NOX4: variants seen among roughly 807,000 people sequenced by gnomAD.
The protein encoded by NOX4 is kidney oxidase-1.
Under a neutral mutation model 87.6 loss-of-function variants are expected in NOX4, and 69 were observed. The observed-to-expected ratio is 0.79, with a 90% CI of 0.65 to 0.96. The LOEUF (loss-of-function observed/expected upper bound fraction) is 0.96. Ranked by LOEUF, NOX4 falls within the 40% of genes least tolerant of loss-of-function variation. NOX4 has a pLI of 0.00. For synonymous variants in NOX4, 275 were observed against 238.2 expected (o/e 1.15, Z -1.42); for missense variants, 680 against 681.5 (o/e 1.00, Z 0.02).
chr11:89,426,684 C>A (rs1943437526), intron 7 of NOX4, among the ~76,000 whole-genome samples: 1 of 152,120 alleles, frequency 6.6e-6, no homozygotes, highest in Non-Finnish European at 1.5e-5. Flanking sequence ...GAGGGGCGCC[C>A]ACCATTGCTG....
intron 2 of NOX4, among the ~76,000 whole-genome samples, chr11:89,481,199 C>T (rs187736228): frequency 4.2e-4 from 64 of 152,038 alleles, no homozygotes; most frequent in African/African-American, 1.3e-3. Context: ...CATCTGTATG[C>T]TCAGCAAATC....
At chr11:89,459,567 A>C (rs376589682) in intron 2 of NOX4, among the ~76,000 whole-genome samples, 12 of 152,290 alleles carry the variant, frequency 7.9e-5, no homozygotes, top group East Asian at 5.8e-4. Flanking sequence ...CAATTGCTTC[A>C]AAGAGAATAA....
intron 11 of NOX4, among the ~76,000 whole-genome samples, chr11:89,374,683 T>C (rs1393949414): frequency 6.6e-6 from 1 of 152,122 alleles, no homozygotes; most frequent in African/African-American, 2.4e-5. Context: ...AAAGTAAAGA[T>C]ACATAAAATG....
the NOX4 span, among the ~76,000 whole-genome samples, chr11:89,572,522 TG>T: frequency 6.6e-6 from 1 of 151,046 alleles, no homozygotes; most frequent in Admixed American, 6.6e-5. Flanking sequence ...CAGAATTATA[TG>T]TTTTTTTGTT....
chr11:89,393,999 C>T (rs1206800552), intron 11 of NOX4, among the ~76,000 whole-genome samples: 2 of 152,092 alleles, frequency 1.3e-5, no homozygotes, highest in African/African-American at 4.8e-5. Flanking sequence ...CCATCTTTGC[C>T]TCAAGCTGGC....
At chr11:89,361,679 T>C (rs560484848) in intron 12 of NOX4, among the ~76,000 whole-genome samples, 2 of 151,994 alleles carry the variant, frequency 1.3e-5, no homozygotes, top group Admixed American at 6.6e-5. Flanking sequence ...TGAAAGGGAG[T>C]GGGGCCACAT....
chr11:89,334,601 T>A (rs183322933), intron 17 of NOX4, among the ~76,000 whole-genome samples: 112 of 151,846 alleles, frequency 7.4e-4, no homozygotes, highest in African/African-American at 1.4e-3. Context: ...TTGGATTTTT[T>A]AAAAAATATC....
intron 17 of NOX4, among the ~76,000 whole-genome samples, chr11:89,334,225 G>A (rs1418685212): frequency 6.6e-6 from 1 of 151,632 alleles, no homozygotes. Context: ...AGACAGATGA[G>A]TATGACAAGA....
At chr11:89,536,648 G>GT in the NOX4 span, among the ~76,000 whole-genome samples, 1 of 152,150 alleles carries the variant, frequency 6.6e-6, no homozygotes, top group Admixed American at 6.5e-5. Context: ...TCCATTGCCA[G>GT]TAGCACTATT....
chr11:89,435,700 A>C (rs1045895897), intron 6 of NOX4, among the ~76,000 whole-genome samples: 1 of 152,110 alleles, frequency 6.6e-6, no homozygotes, highest in Admixed American at 6.6e-5. Flanking sequence ...TGAGGATAAA[A>C]TAGAAGGGCC....
chr11:89,431,902 G>C (rs978607226), intron 7 of NOX4, among the ~76,000 whole-genome samples: 3 of 152,192 alleles, frequency 2.0e-5, no homozygotes, highest in African/African-American at 7.2e-5. Flanking sequence ...ACAGGCACAC[G>C]TATGTTTATT....
At chr11:89,455,909 G>A (rs985409264) in intron 2 of NOX4, among the ~76,000 whole-genome samples, 2 of 151,952 alleles carry the variant, frequency 1.3e-5, no homozygotes, top group African/African-American at 4.8e-5. Flanking sequence ...CAGAGAATAG[G>A]CTGAGAAGAG....
At chr11:89,465,071 T>C (rs1305880488) in intron 2 of NOX4, among the ~76,000 whole-genome samples, 1 of 152,168 alleles carries the variant, frequency 6.6e-6, no homozygotes, top group Admixed American at 6.5e-5. Context: ...ACACGTACCA[T>C]GGTGGTTTGC....
chr11:89,560,692 T>C, the NOX4 span, among the ~76,000 whole-genome samples: 2 of 151,496 alleles, frequency 1.3e-5, no homozygotes, highest in East Asian at 2.0e-4. Flanking sequence ...CTCTCCTTCT[T>C]TCTCTCTCTC....
intron 8 of NOX4, among the ~76,000 whole-genome samples, chr11:89,418,292 A>G (rs1268302225): frequency 3.3e-5 from 5 of 151,642 alleles, no homozygotes; most frequent in African/African-American, 2.4e-5. Flanking sequence ...AATGGGGGCC[A>G]GCATAACTTA....
At chr11:89,434,151 C>A (rs1943964641) in intron 6 of NOX4, among the ~76,000 whole-genome samples, 1 of 152,014 alleles carries the variant, frequency 6.6e-6, no homozygotes, top group Non-Finnish European at 1.5e-5. Context: ...GAAGCAGACA[C>A]CTTGTGTACA....
intron 2 of NOX4, among the ~76,000 whole-genome samples, chr11:89,466,333 C>T (rs1167588850): frequency 6.6e-6 from 1 of 152,144 alleles, no homozygotes; most frequent in African/African-American, 2.4e-5. Context: ...AAATATCCTA[C>T]TTAATAAATA....
intron 11 of NOX4, among the ~76,000 whole-genome samples, chr11:89,398,056 A>T (rs1941602988): frequency 6.6e-6 from 1 of 152,134 alleles, no homozygotes; most frequent in Admixed American, 6.6e-5. Flanking sequence ...ACATTGATGC[A>T]AATATCCTCA....
Position 89,431,380 on chromosome 11 carries a change from T to A in NOX4, c.548+1404A>T, listed in dbSNP as rs572977699. ...GGATCTAATTAAACTAAAGAGCTTCTGCACAGCAAAAGAAACTACCATCAG... is the reference window on the plus strand; with the variant it reads ...GGATCTAATTAAACTAAAGAGCTTCAGCACAGCAAAAGAAACTACCATCAG... On this transcript the variant is annotated intron_variant, in intron 7 of 17. Transcript: ENST00000263317. Among the ~76,000 whole-genome samples the A allele has an allele frequency of 2.6e-5, 4 of 152,266 alleles. No individual in the cohort carries two copies. The East Asian group carries it at 7.7e-4, about 29-fold the overall frequency.
Sources: gnomAD v4.1 joint callset for allele counts (sites outside exome capture counted in the v4.1 genomes callset) on GRCh38, gnomAD v4.1.1 for gene constraint, MANE v1.5 for transcripts, NCBI Gene and HGNC (gene_info 2026-07-23, HGNC 2026-07-21) for gene names.